C10orf67: variants seen among roughly 807,000 people sequenced by gnomAD.
C10orf67 encodes the protein chromosome 10 open reading frame 67.
A neutral mutation model predicts 35.6 loss-of-function variants in C10orf67; 60 were observed. The ratio of observed to expected loss-of-function variants is 1.68; its 90% CI spans 1.37 to 2.09. C10orf67 has a LOEUF of 2.09. Among genes scored for constraint, C10orf67 ranks in the 30% most tolerant of loss-of-function variants. C10orf67 has a pLI of 0.00. For synonymous variants in C10orf67, 167 were observed against 115.8 expected, an observed-to-expected ratio of 1.44 and a Z score of -2.84; for missense variants, 474 against 330.2, an observed-to-expected ratio of 1.44 and a Z score of -3.38.
At chr10:23,341,036 C>T (rs1845863153) in intron 1 of C10orf67, among the ~76,000 whole-genome samples, 1 of 152,160 alleles carries the variant, frequency 6.6e-6, no homozygotes, top group Non-Finnish European at 1.5e-5. Context: ...TGGCATATTT[C>T]TCAGGGCTAA....
intron 4 of C10orf67, among the ~76,000 whole-genome samples, chr10:23,310,823 A>G (rs1048362023): frequency 6.6e-6 from 1 of 152,122 alleles, no homozygotes; most frequent in Non-Finnish European, 1.5e-5. Flanking sequence ...GCTTTCCCCA[A>G]AATGGTCCTC....
rs540359085 is a variant in C10orf67 at position 23,239,757 on chromosome 10, A to C, written c.1406T>G (p.Val469Gly). ...ATAATTGAAGGATGTGTCAGCAAGC[A>C]CTGCAAACTGACGAAACAGTGTGTG... The part of the protein sequence containing the change: ...TRHTLFRQFA[V>G]LADTSFNYIK... Residue 469 changes from valine to glycine, a missense_variant, in exon 13 of 16, where the codon GTG becomes GGG. By Grantham distance (109) the Val-to-Gly change is moderately radical. Transcript: ENST00000636213. 1.5e-6 allele frequency: 1 copy of C among 661,520 alleles called. No individual in the cohort carries two copies. Among genetic ancestry groups the C allele is most frequent in the Non-Finnish European group, 2.9e-6 (1 of 343,682 alleles). The allele number at this position is 661,520 out of a possible 1,614,324, so 41.0% of individuals were successfully genotyped here.
chr10:23,259,913 T>C (rs114864972), intron 10 of C10orf67, among the ~76,000 whole-genome samples: 76 of 152,296 alleles, frequency 5.0e-4, no homozygotes, highest in African/African-American at 1.8e-3. Context: ...GAGCTGAGCA[T>C]GTAAGAGTTG....
At chr10:23,289,327 C>G (rs1187798050) in intron 7 of C10orf67, among the ~76,000 whole-genome samples, 1 of 152,112 alleles carries the variant, frequency 6.6e-6, no homozygotes, top group Non-Finnish European at 1.5e-5. Context: ...CCACACTCGG[C>G]TAATTTTTTT....
intron 4 of C10orf67, among the ~76,000 whole-genome samples, chr10:23,310,393 C>T (rs964173162): frequency 1.3e-5 from 2 of 152,298 alleles, no homozygotes; most frequent in South Asian, 2.1e-4. Flanking sequence ...TTTATTTCTG[C>T]AATTTGAGAT....
At chr10:23,242,387 A>C (rs1231896610) in intron 12 of C10orf67, among the ~76,000 whole-genome samples, 1 of 152,244 alleles carries the variant, frequency 6.6e-6, no homozygotes, top group Non-Finnish European at 1.5e-5. Context: ...AAAAGCTGAG[A>C]GAATTATTTG....
intron 7 of C10orf67, among the ~76,000 whole-genome samples, chr10:23,283,784 C>T (rs1203126037): frequency 6.6e-6 from 1 of 152,096 alleles, no homozygotes; most frequent in African/African-American, 2.4e-5. Context: ...TTTCTCCAAC[C>T]TTCCCTGATC....
Position 23,280,699 on chromosome 10 carries a change from C to T in C10orf67, c.975+1314G>A, listed in dbSNP as rs16923159. Reference sequence around the variant, plus strand: ...CAAACTTCTAAACCACAAAATAAAACGTGATTGGTTCCCCTGTGAGCAATA... The same window carrying T: ...CAAACTTCTAAACCACAAAATAAAATGTGATTGGTTCCCCTGTGAGCAATA... On this transcript the variant is annotated intron_variant, in intron 8 of 15. Transcript: ENST00000636213. Among the ~76,000 whole-genome samples the T allele has an allele frequency of 2.5e-3, 383 of 152,200 alleles. 13 individuals are homozygous for T. In the East Asian group the frequency reaches 0.037, roughly 15 times the overall value.
At position 23,285,524 on chromosome 10, in the gene C10orf67, A is replaced by G. The variant is rs1290334115; in HGVS notation, c.910-3446T>C. On this transcript the variant is annotated intron_variant, in intron 7 of 15. Coordinates refer to ENST00000636213, the MANE Select transcript of C10orf67 (RefSeq NM_001371909.1). ...TTTTAATAATGTGTTTTTTATCCCA[A>G]TATATATTCAAAATATTATTTCAAT... Among the ~76,000 whole-genome samples the G allele has an allele frequency of 2.6e-5, 4 of 151,764 alleles. No homozygotes were observed. The East Asian group carries it at 7.7e-4, about 29-fold the overall frequency.
chr10:23,333,153 C>T lies in C10orf67; in HGVS notation c.236G>A (p.Gly79Asp), dbSNP rs751823781. Reference sequence around the variant, plus strand: ...AGTGGCATGGTCTGTGCTGAAAAAGCCAATCTTTAAATCATCTGAAATGTT... The same window carrying T: ...AGTGGCATGGTCTGTGCTGAAAAAGTCAATCTTTAAATCATCTGAAATGTT... ...RLNISDDLKI[G>D]FFSTDHATQT... The change falls in exon 2 of 16, where the codon GGC becomes GAC. Residue 79 changes from glycine (G) to aspartate (D), a missense_variant. Gly to Asp is a moderately conservative substitution (Grantham distance 94). Transcript: ENST00000636213. 6.2e-7 allele frequency: 1 copy of T among 1,606,268 alleles called. No individual in the cohort carries two copies. The highest frequency in any genetic ancestry group is 8.5e-7 in the Non-Finnish European group (1 of 1,174,648).
chr10:23,325,750 A>T (rs2132356830), intron 2 of C10orf67, among the ~76,000 whole-genome samples: 1 of 151,940 alleles, frequency 6.6e-6, no homozygotes, highest in African/African-American at 2.4e-5. Context: ...TTCCAATATT[A>T]CCAAAATGTC....
intron 7 of C10orf67, among the ~76,000 whole-genome samples, chr10:23,284,057 G>C (rs545482069): frequency 6.6e-6 from 1 of 150,552 alleles, no homozygotes; most frequent in East Asian, 1.9e-4. Context: ...ATGGCAAGAG[G>C]TCAGCTTCCC....
At chr10:23,284,634 C>T (rs1843476606) in intron 7 of C10orf67, among the ~76,000 whole-genome samples, 1 of 152,008 alleles carries the variant, frequency 6.6e-6, no homozygotes, top group African/African-American at 2.4e-5. Context: ...TGCAGTGAGC[C>T]ATGATCATGC....
At chr10:23,270,581 G>T (rs1448078593) in intron 8 of C10orf67, among the ~76,000 whole-genome samples, 1 of 152,208 alleles carries the variant, frequency 6.6e-6, no homozygotes, top group Admixed American at 6.5e-5. Flanking sequence ...AAGCAGCTTT[G>T]TTCTGCAGGC....
intron 10 of C10orf67, among the ~76,000 whole-genome samples, chr10:23,251,143 A>G (rs1046517575): frequency 2.6e-5 from 4 of 152,156 alleles, no homozygotes; most frequent in African/African-American, 9.7e-5. Context: ...TTTACTTGTA[A>G]ATTACCATAC....
chr10:23,267,810 G>A (rs1842921945), intron 8 of C10orf67, among the ~76,000 whole-genome samples: 1 of 152,004 alleles, frequency 6.6e-6, no homozygotes, highest in South Asian at 2.1e-4. Context: ...GGAGGCTGAG[G>A]CAGGAGAATC....
chr10:23,341,831 C>A (rs1436630351), intron 1 of C10orf67, among the ~76,000 whole-genome samples: 1 of 152,144 alleles, frequency 6.6e-6, no homozygotes, highest in African/African-American at 2.4e-5. Flanking sequence ...AGTCTTCACC[C>A]CAGTGTCATT....
At chr10:23,217,189 C>G (rs1464266681) in intron 15 of C10orf67, among the ~76,000 whole-genome samples, 1 of 152,072 alleles carries the variant, frequency 6.6e-6, no homozygotes, top group African/African-American at 2.4e-5. Flanking sequence ...AGAAGTTGAA[C>G]AAGCCAGGAA....
chr10:23,250,978 T>C lies in C10orf67; in HGVS notation c.1201-287A>G, dbSNP rs143710871. Among the ~76,000 whole-genome samples, 443 of 152,058 alleles carry C rather than the reference T, an allele frequency of 2.9e-3. 2 individuals carry two copies. Among genetic ancestry groups the C allele is most frequent in the African/African-American group, 0.01 (417 of 41,484 alleles). ...AAGGCATAGTGGCATGCACCTGTAG[T>C]CCCAGCTACTTGGGAGGCTGAGAAG... is the stretch of plus-strand genomic sequence containing the variant. On this transcript the variant is annotated intron_variant, in intron 10 of 15. Transcript: ENST00000636213.
Sources: allele counts gnomAD v4.1 joint callset (sites outside exome capture counted in the v4.1 genomes callset), GRCh38; gene constraint gnomAD v4.1.1; transcripts MANE v1.5; gene names NCBI Gene and HGNC (gene_info 2026-07-23, HGNC 2026-07-21).